The following MGAT4C variants were observed in gnomAD, a reference collection of about 807,000 sequenced individuals.
MGAT4C encodes the protein alpha-1,3-mannosyl-glycoprotein 4-beta-N-acetylglucosaminyltransferase C.
Under a neutral mutation model 40.1 loss-of-function variants are expected in MGAT4C, and 19 were observed. That is an observed-to-expected ratio of 0.47 (90% CI 0.33 to 0.70). The LOEUF (loss-of-function observed/expected upper bound fraction) is 0.70. MGAT4C is among the 30% of genes least tolerant of loss of function. MGAT4C has a pLI of 0.02. For missense variants in MGAT4C, 491 were observed against 563.2 expected (o/e 0.87, Z 1.30); for synonymous variants, 181 against 187.1 (o/e 0.97, Z 0.27).
intron 3 of MGAT4C, among the ~76,000 whole-genome samples, chr12:85,985,607 G>T (rs977337970): frequency 2.6e-5 from 4 of 152,012 alleles, no homozygotes; most frequent in Non-Finnish European, 5.9e-5. Context: ...ACAATGCCAT[G>T]TGTAAAAGCC....
intron 4 of MGAT4C, among the ~76,000 whole-genome samples, chr12:86,312,314 C>T (rs563955427): frequency 1.1e-4 from 17 of 152,274 alleles, no homozygotes; most frequent in African/African-American, 3.6e-4. Flanking sequence ...ATTTAGAAGC[C>T]GCATTACACT....
Position 85,983,535 on chromosome 12 carries a change from A to T in MGAT4C, c.283T>A (p.Leu95Ile). 6.4e-7 allele frequency: 1 copy of T among 1,562,668 alleles called. No individual in the cohort carries two copies. Among genetic ancestry groups the T allele is most frequent in the Non-Finnish European group, 8.6e-7 (1 of 1,161,100 alleles). The part of the protein sequence containing the change: ...VTYRYLAATP[L>I]QRKRYLTIGL... Reference sequence around the variant, plus strand: ...TAAGGATACTTACGCTTTCTTTGTAAAGGTGTGGCAGCTAGGTAGCGATAG... The same window carrying T: ...TAAGGATACTTACGCTTTCTTTGTATAGGTGTGGCAGCTAGGTAGCGATAG... The change falls in exon 4 of 5, where the codon TTA becomes ATA. Residue 95 changes from leucine (L) to isoleucine (I), a missense_variant. Leu to Ile is a conservative substitution (Grantham distance 5). Transcript: ENST00000611864.
intron 1 of MGAT4C, among the ~76,000 whole-genome samples, chr12:86,189,976 T>C (rs1386187090): frequency 6.6e-6 from 1 of 152,094 alleles, no homozygotes; most frequent in Non-Finnish European, 1.5e-5. Flanking sequence ...ATGCCTAATA[T>C]ATCTCAAAAT....
chr12:86,401,193 A>G (rs1956354511), intron 3 of MGAT4C, among the ~76,000 whole-genome samples: 1 of 151,888 alleles, frequency 6.6e-6, no homozygotes, highest in African/African-American at 2.4e-5. Flanking sequence ...TTCAGTTCAT[A>G]TAAACTTTCA....
chr12:86,593,764 G>C (rs1033678766), intron 2 of MGAT4C, among the ~76,000 whole-genome samples: 1 of 150,626 alleles, frequency 6.6e-6, no homozygotes, highest in African/African-American at 2.4e-5. Flanking sequence ...GATTTTTTTC[G>C]GCTGCATATT....
chr12:86,201,018 A>T (rs1362893410), intron 1 of MGAT4C, among the ~76,000 whole-genome samples: 1 of 152,172 alleles, frequency 6.6e-6, no homozygotes, highest in African/African-American at 2.4e-5. Context: ...TTGACTTCTA[A>T]CCTCCAGAAC....
chr12:86,578,520 T>C (rs1041620308), intron 2 of MGAT4C, among the ~76,000 whole-genome samples: 1 of 151,788 alleles, frequency 6.6e-6, no homozygotes, highest in Admixed American at 6.6e-5. Flanking sequence ...GCAGGGAAAC[T>C]TTTTATTACA....
rs1015364965 is a variant in MGAT4C at position 86,320,054 on chromosome 12, T to G, written c.-57+14011A>C. Among the ~76,000 whole-genome samples the G allele has an allele frequency of 3.3e-4, 50 of 152,140 alleles. 1 individual carries two copies. The highest frequency in any genetic ancestry group is 6.6e-5 in the Admixed American group (1 of 15,262). ...CTTCAAGGAAGGACAGACTGATATC[T>G]GCAGTTCTGCCCTGGGAGCCTCTGA... On this transcript the variant is annotated intron_variant, in intron 4 of 7. Coordinates refer to the MGAT4C transcript ENST00000548651.
At chr12:86,570,395 A>G (rs1345742358) in intron 2 of MGAT4C, among the ~76,000 whole-genome samples, 3 of 152,100 alleles carry the variant, frequency 2.0e-5, no homozygotes, top group Admixed American at 1.3e-4. Flanking sequence ...TTTAGATTCA[A>G]TTTTTTTGTC....
intron 1 of MGAT4C, among the ~76,000 whole-genome samples, chr12:86,177,323 T>C (rs1402429954): frequency 6.6e-6 from 1 of 152,206 alleles, no homozygotes; most frequent in African/African-American, 2.4e-5. Context: ...TAATCTATGA[T>C]ATTTCTAAAG....
intron 2 of MGAT4C, among the ~76,000 whole-genome samples, chr12:86,498,117 C>T (rs1958275526): frequency 6.6e-6 from 1 of 150,580 alleles, no homozygotes; most frequent in Non-Finnish European, 1.5e-5. Context: ...GCACATATTC[C>T]TCTTTCTGAG....
intron 2 of MGAT4C, among the ~76,000 whole-genome samples, chr12:86,540,035 A>G (rs1280810361): frequency 6.6e-6 from 1 of 152,024 alleles, no homozygotes; most frequent in Non-Finnish European, 1.5e-5. Flanking sequence ...ATTAGATCCC[A>G]TTTGTCAATG....
intron 2 of MGAT4C, among the ~76,000 whole-genome samples, chr12:86,555,323 T>C (rs1179855605): frequency 1.3e-5 from 2 of 152,218 alleles, no homozygotes; most frequent in African/African-American, 2.4e-5. Context: ...TTAAAGATTA[T>C]TGTTTCAATC....
rs1882827463 is a variant in MGAT4C at position 85,956,990 on chromosome 12, C to T, written c.*22299G>A. The T allele has an allele frequency of 1.3e-5, 2 of 152,114 alleles. No individual in the cohort carries two copies. Among genetic ancestry groups the T allele is most frequent in the African/African-American group, 2.4e-5 (1 of 41,424 alleles). 9.4% of individuals were successfully genotyped at this position (152,114 alleles called of 1,614,324 possible). On this transcript the variant is annotated 3_prime_UTR_variant, in exon 5 of 5. Coordinates refer to ENST00000611864, the MANE Select transcript of MGAT4C (RefSeq NM_001351288.2). ...AGTGGTGGTCTTCCTATTGTAACAGCTGATTTCATGGCTATGTGGAACCAT... is the reference window on the plus strand; with the variant it reads ...AGTGGTGGTCTTCCTATTGTAACAGTTGATTTCATGGCTATGTGGAACCAT...
At chr12:86,154,146 G>A (rs761007084) in intron 1 of MGAT4C, among the ~76,000 whole-genome samples, 1 of 152,128 alleles carries the variant, frequency 6.6e-6, no homozygotes, top group Non-Finnish European at 1.5e-5. Context: ...ACCATGAATT[G>A]TATTTGAGAA....
chr12:86,544,655 T>G (rs921663839), intron 2 of MGAT4C, among the ~76,000 whole-genome samples: 4 of 152,160 alleles, frequency 2.6e-5, no homozygotes, highest in African/African-American at 9.6e-5. Flanking sequence ...ACAGTTAGAA[T>G]GTTGTCTATT....
chr12:86,767,622 A>T (rs962099159), intron 1 of MGAT4C, among the ~76,000 whole-genome samples: 10 of 152,172 alleles, frequency 6.6e-5, no homozygotes, highest in Non-Finnish European at 1.2e-4. Flanking sequence ...CCTCTATAAA[A>T]TACTGGCAAA....
intron 2 of MGAT4C, among the ~76,000 whole-genome samples, chr12:85,996,871 C>T (rs1325100772): frequency 6.6e-6 from 1 of 152,102 alleles, no homozygotes; most frequent in Admixed American, 6.5e-5. Flanking sequence ...TTTAAATATT[C>T]CTCCCTCAAT....
At chr12:86,498,004 T>C (rs1352086899) in intron 2 of MGAT4C, among the ~76,000 whole-genome samples, 1 of 146,462 alleles carries the variant, frequency 6.8e-6, no homozygotes, top group Non-Finnish European at 1.5e-5. Flanking sequence ...TATTATATTA[T>C]ATAATCTTTT....
Sources: allele counts gnomAD v4.1 joint callset (sites outside exome capture counted in the v4.1 genomes callset), GRCh38; gene constraint gnomAD v4.1.1; transcripts MANE v1.5; gene names NCBI Gene and HGNC (gene_info 2026-07-23, HGNC 2026-07-21).